Variants in VAT1L observed in about 807,000 individuals in gnomAD.
VAT1L encodes the protein vesicle amine transport 1 like.
A neutral mutation model predicts 44.1 loss-of-function variants in VAT1L; 34 were observed. The ratio of observed to expected loss-of-function variants is 0.77; its 90% CI spans 0.59 to 1.03. VAT1L has a LOEUF of 1.03. Ranked by LOEUF, VAT1L falls within the 50% of genes least tolerant of loss-of-function variation. The pLI, the probability that VAT1L is intolerant of heterozygous loss-of-function variation, is 0.00. For synonymous variants in VAT1L, 253 were observed against 202.2 expected (o/e 1.25, Z -2.13); for missense variants, 615 against 538.8 (o/e 1.14, Z -1.40).
chr16:77,964,062 C>A (rs929581435), intron 7 of VAT1L, among the ~76,000 whole-genome samples: 1 of 152,038 alleles, frequency 6.6e-6, no homozygotes, highest in East Asian at 1.9e-4. Flanking sequence ...TATTTTTCTC[C>A]ACCACTCTGG....
chr16:77,923,245 T>C (rs1192003925), intron 7 of VAT1L, among the ~76,000 whole-genome samples: 2 of 152,120 alleles, frequency 1.3e-5, no homozygotes, highest in East Asian at 3.9e-4. Context: ...GGTCAGGAAA[T>C]CGAGACCATC....
chr16:77,930,620 C>G (rs1286025165), intron 7 of VAT1L, among the ~76,000 whole-genome samples: 1 of 152,116 alleles, frequency 6.6e-6, no homozygotes, highest in Non-Finnish European at 1.5e-5. Context: ...CAATAAAACC[C>G]TCTGCAAGGT....
intron 7 of VAT1L, among the ~76,000 whole-genome samples, chr16:77,938,845 A>C (rs967265813): frequency 2.2e-4 from 33 of 152,204 alleles, no homozygotes; most frequent in African/African-American, 7.7e-4. Flanking sequence ...AGCAATAAAC[A>C]CAACAAATCA....
In VAT1L at chr16:77,788,709, G is replaced by A; in HGVS notation, c.27G>A (p.Ala9=). MAKEGVEK[A]EETEQMIEKE... is the part of the protein sequence containing the mutation. ...TGGCCAAGGAAGGCGTGGAGAAGGCGGAGGAGACGGAGCAAATGATCGAGA... is the reference window on the plus strand; with the variant it reads ...TGGCCAAGGAAGGCGTGGAGAAGGCAGAGGAGACGGAGCAAATGATCGAGA... Residue 9 remains alanine, a synonymous_variant, in exon 1 of 9, where the codon GCG becomes GCA. Transcript: ENST00000302536. 6.4e-7 allele frequency: 1 copy of A among 1,553,970 alleles called. No individual in the cohort carries two copies. Among genetic ancestry groups the A allele is most frequent in the Non-Finnish European group, 8.7e-7 (1 of 1,148,356 alleles).
chr16:77,925,694 C>T (rs935705099), intron 7 of VAT1L, among the ~76,000 whole-genome samples: 8 of 152,146 alleles, frequency 5.3e-5, no homozygotes, highest in East Asian at 1.9e-4. Context: ...CTGCAGATGA[C>T]GTAAAATCTA....
chr16:77,914,508 T>C (rs1031786654), intron 7 of VAT1L, among the ~76,000 whole-genome samples: 9 of 152,138 alleles, frequency 5.9e-5, no homozygotes, highest in Admixed American at 5.2e-4. Context: ...ATTGTGTAGA[T>C]GAAAGAAAGT....
intron 7 of VAT1L, among the ~76,000 whole-genome samples, chr16:77,957,334 T>A (rs900140365): frequency 4.6e-5 from 7 of 152,214 alleles, no homozygotes; most frequent in Non-Finnish European, 1.0e-4. Context: ...GGCAATTACA[T>A]CATTAGTAAA....
rs751054151 is a variant in VAT1L at position 77,817,061 on chromosome 16, G to A, written c.363+11G>A. ...GTGAAAGGATATGAGGTAATGTTTG[G>A]CTCTCAATTGAAGAGTAATATTCAT... is the stretch of plus-strand genomic sequence containing the variant. On this transcript the variant is annotated intron_variant, in intron 2 of 8. Coordinates refer to ENST00000302536, the MANE Select transcript of VAT1L (RefSeq NM_020927.3). 1.2e-6 allele frequency: 2 copies of A among 1,609,272 alleles called. No homozygotes were observed. Among genetic ancestry groups the A allele is most frequent in the Non-Finnish European group, 1.7e-6 (2 of 1,178,600 alleles).
intron 1 of VAT1L, among the ~76,000 whole-genome samples, chr16:77,802,247 G>A (rs1239913895): frequency 6.6e-6 from 1 of 152,000 alleles, no homozygotes; most frequent in Non-Finnish European, 1.5e-5. Flanking sequence ...AGATAGCTAG[G>A]CCTGTTTGTT....
rs1597131377 is a variant in VAT1L at position 77,977,895 on chromosome 16, C to T, written c.*200C>T. On this transcript the variant is annotated 3_prime_UTR_variant, in exon 9 of 9. Transcript: ENST00000302536. ...ATGCCATGCAGTATTATGTCCCTCT[C>T]CTATCTGTGTATTACACATTCCCCT... The T allele has an allele frequency of 1.8e-6, 1 of 561,802 alleles. No homozygotes were observed. The highest frequency in any genetic ancestry group is 3.2e-6 in the Non-Finnish European group (1 of 309,698). The allele number at this position is 561,802 out of a possible 1,614,324, so 34.8% of individuals were successfully genotyped here. A position where few individuals can be genotyped will look rare whatever the true frequency, so the allele number is the denominator to read the frequency against.
At chr16:77,807,561 C>G (rs546337875) in intron 1 of VAT1L, among the ~76,000 whole-genome samples, 11 of 152,176 alleles carry the variant, frequency 7.2e-5, no homozygotes, top group Non-Finnish European at 8.8e-5. Context: ...TCCTGCCCAT[C>G]TAGGAGTTGT....
At chr16:77,954,730 G>C (rs757949800) in intron 7 of VAT1L, among the ~76,000 whole-genome samples, 1 of 152,198 alleles carries the variant, frequency 6.6e-6, no homozygotes, top group African/African-American at 2.4e-5. Context: ...ACCCAAGCAC[G>C]ATGCCTTCTC....
At chr16:77,796,177 C>T (rs1597161055) in intron 1 of VAT1L, among the ~76,000 whole-genome samples, 3 of 152,142 alleles carry the variant, frequency 2.0e-5, no homozygotes, top group Admixed American at 2.0e-4. Context: ...AATGGAGATA[C>T]AACCTTATAG....
At chr16:77,812,430 G>A (rs1393754865) in intron 1 of VAT1L, among the ~76,000 whole-genome samples, 1 of 152,070 alleles carries the variant, frequency 6.6e-6, no homozygotes, top group African/African-American at 2.4e-5. Context: ...GAGATTTCAT[G>A]GTGTTATGGG....
intron 7 of VAT1L, among the ~76,000 whole-genome samples, chr16:77,933,876 T>C (rs1263455387): frequency 6.6e-6 from 1 of 152,158 alleles, no homozygotes; most frequent in Non-Finnish European, 1.5e-5. Context: ...AAGCAGATGG[T>C]GCATAATCTG....
At chr16:77,927,653 G>A (rs545891814) in intron 7 of VAT1L, among the ~76,000 whole-genome samples, 7 of 151,902 alleles carry the variant, frequency 4.6e-5, no homozygotes, top group Admixed American at 1.3e-4. Flanking sequence ...TGAGGTGGGC[G>A]GATCATGAGG....
At chr16:77,892,496 G>GCT in intron 7 of VAT1L, 1 of 546,936 alleles carries the variant, frequency 1.8e-6, no homozygotes, top group Admixed American at 1.9e-5. Context: ...TGAGCTGTTT[G>GCT]CAGACAAGTT....
chr16:77,892,833 T>C, intron 7 of VAT1L: 8 of 860,342 alleles, frequency 9.3e-6, no homozygotes, highest in South Asian at 5.2e-5. Flanking sequence ...GGCATGAATA[T>C]TGTGGAGGCC....
At chr16:77,943,304 G>A (rs536861819) in intron 7 of VAT1L, among the ~76,000 whole-genome samples, 14 of 151,454 alleles carry the variant, frequency 9.2e-5, no homozygotes, top group African/African-American at 2.4e-4. Flanking sequence ...TGATCCACCC[G>A]CCTCAGCCTC....
Sources: allele counts gnomAD v4.1 joint callset (sites outside exome capture counted in the v4.1 genomes callset), GRCh38; gene constraint gnomAD v4.1.1; transcripts MANE v1.5; gene names NCBI Gene and HGNC (gene_info 2026-07-23, HGNC 2026-07-21).